Variants in GALNT13 observed in about 807,000 individuals in gnomAD.
GALNT13 encodes polypeptide N-acetylgalactosaminyltransferase 13.
Under a neutral mutation model 64.2 loss-of-function variants are expected in GALNT13, and 28 were observed. The observed-to-expected ratio is 0.44, with a 90% CI of 0.32 to 0.60. The LOEUF is 0.60. Among genes scored for constraint, GALNT13 ranks in the 20% least tolerant of loss-of-function variants. The pLI, the probability that GALNT13 is intolerant of heterozygous loss-of-function variation, is 0.05. For missense variants in GALNT13, 577 were observed against 669.8 expected (o/e 0.86, Z 1.53); for synonymous variants, 214 against 224.6 (o/e 0.95, Z 0.42).
chr2:154,150,073 A>G (rs1379766829), intron 4 of GALNT13, among the ~76,000 whole-genome samples: 3 of 152,262 alleles, frequency 2.0e-5, no homozygotes, highest in African/African-American at 7.2e-5. Flanking sequence ...TTTGTCATAG[A>G]TAGCTCTTAT....
chr2:154,257,764 A>G (rs1690462287), intron 7 of GALNT13: 1 of 152,314 alleles, frequency 6.6e-6, no homozygotes, highest in African/African-American at 2.4e-5. Context: ...TGGTTTTTCA[A>G]TGAACAATTC....
intron 3 of GALNT13, among the ~76,000 whole-genome samples, chr2:154,084,102 G>C (rs55944116): frequency 6.6e-6 from 1 of 151,790 alleles, no homozygotes; most frequent in African/African-American, 2.4e-5. Flanking sequence ...CAGTTTAAAC[G>C]CTGCCACAGA....
chr2:154,210,699 A>G (rs1353172083), intron 4 of GALNT13, among the ~76,000 whole-genome samples: 4 of 152,208 alleles, frequency 2.6e-5, no homozygotes, highest in Non-Finnish European at 1.5e-5. Context: ...TTTTTAAAAT[A>G]CCATTTTGAA....
chr2:153,905,791 T>C (rs1169319782), intron 2 of GALNT13, among the ~76,000 whole-genome samples: 1 of 152,054 alleles, frequency 6.6e-6, no homozygotes, highest in Non-Finnish European at 1.5e-5. Context: ...CTCTTTGGCA[T>C]ATTCAAATTG....
chr2:153,320,101 G>A, the GALNT13 span, among the ~76,000 whole-genome samples: 1 of 152,082 alleles, frequency 6.6e-6, no homozygotes, highest in Non-Finnish European at 1.5e-5. Context: ...TCATGGCTGG[G>A]GCACATGGTA....
At chr2:153,297,410 A>G in the GALNT13 span, among the ~76,000 whole-genome samples, 30 of 152,214 alleles carry the variant, frequency 2.0e-4, no homozygotes, top group Non-Finnish European at 1.0e-4. Flanking sequence ...GAACATTTAT[A>G]AAGAGAAAAC....
chr2:153,704,307 C>T, the GALNT13 span, among the ~76,000 whole-genome samples: 1 of 152,058 alleles, frequency 6.6e-6, no homozygotes, highest in Admixed American at 6.6e-5. Flanking sequence ...GGCTTTCTTT[C>T]TTACTTTAAA....
chr2:154,091,133 CT>C (rs1701785045), intron 3 of GALNT13, among the ~76,000 whole-genome samples: 1 of 151,918 alleles, frequency 6.6e-6, no homozygotes, highest in Admixed American at 6.6e-5. Flanking sequence ...TATTTGAAGT[CT>C]AGTGCTCAGA....
At chr2:153,525,354 T>C in the GALNT13 span, among the ~76,000 whole-genome samples, 1 of 152,130 alleles carries the variant, frequency 6.6e-6, no homozygotes, top group Non-Finnish European at 1.5e-5. Flanking sequence ...CCCCTACTGC[T>C]TGAGAAAAAC....
intron 4 of GALNT13, among the ~76,000 whole-genome samples, chr2:154,213,806 T>C (rs943182829): frequency 7.2e-5 from 11 of 152,298 alleles, no homozygotes; most frequent in African/African-American, 2.6e-4. Context: ...TATTTATTCA[T>C]TATTGTTAAT....
intron 9 of GALNT13, among the ~76,000 whole-genome samples, chr2:154,360,151 T>C (rs1298526144): frequency 6.6e-6 from 1 of 152,170 alleles, no homozygotes; most frequent in Non-Finnish European, 1.5e-5. Flanking sequence ...TTTTCCTTGA[T>C]TGTTTGTAAA....
chr2:153,900,837 C>T (rs1001191250), intron 1 of GALNT13, 99 bp from the exon 2 acceptor site: 10 of 152,062 alleles, frequency 6.6e-5, no homozygotes, highest in Non-Finnish European at 1.2e-4. Context: ...TATTTAAGCA[C>T]GTTAAAGTAT....
At chr2:153,651,881 A>T in the GALNT13 span, among the ~76,000 whole-genome samples, 1 of 152,100 alleles carries the variant, frequency 6.6e-6, no homozygotes, top group Non-Finnish European at 1.5e-5. Context: ...TGTATCTGTT[A>T]TTTTTACATA....
At chr2:153,181,030 C>CTTTTTTTTTTTTTTTTTTTT in the GALNT13 span, among the ~76,000 whole-genome samples, 74 of 32,062 alleles carry the variant, frequency 2.3e-3, 13 homozygotes, top group Middle Eastern at 0.029. Context: ...TTTATTGTTT[C>CTTTTTTTTTTTTTTTTTTTT]TTTTTTTTTT....
At chr2:153,227,544 C>T in the GALNT13 span, among the ~76,000 whole-genome samples, 1 of 152,162 alleles carries the variant, frequency 6.6e-6, no homozygotes, top group Non-Finnish European at 1.5e-5. Flanking sequence ...TGAGAGTTGG[C>T]GTGGTTTAAC....
chr2:154,344,881 T>C (rs2105235530), intron 9 of GALNT13, among the ~76,000 whole-genome samples: 1 of 152,124 alleles, frequency 6.6e-6, no homozygotes, highest in Middle Eastern at 3.4e-3. Flanking sequence ...AAGAGTTAAC[T>C]GGTAATTGTT....
the GALNT13 span, among the ~76,000 whole-genome samples, chr2:153,627,536 T>C: frequency 2.0e-5 from 3 of 152,214 alleles, no homozygotes; most frequent in Admixed American, 6.6e-5. Flanking sequence ...TAGAAAAATC[T>C]AAGCCATAAT....
the GALNT13 span, among the ~76,000 whole-genome samples, chr2:153,385,431 G>T: frequency 1.3e-5 from 2 of 151,968 alleles, no homozygotes; most frequent in South Asian, 4.1e-4. Flanking sequence ...AATAAACCAG[G>T]CACAGAAAGA....
chr2:153,399,959 A>G, the GALNT13 span, among the ~76,000 whole-genome samples: 5 of 151,388 alleles, frequency 3.3e-5, no homozygotes, highest in Admixed American at 6.6e-5. Context: ...TTCCAACACT[A>G]TGTTGAATAG....
Sources: allele counts gnomAD v4.1 joint callset (sites outside exome capture counted in the v4.1 genomes callset), GRCh38; gene constraint gnomAD v4.1.1; transcripts MANE v1.5; gene names NCBI Gene and HGNC (gene_info 2026-07-23, HGNC 2026-07-21).